The following ZNF28 variants were observed in gnomAD, a reference collection of about 807,000 sequenced individuals.
ZNF28 encodes the protein zinc finger protein KOX24.
A neutral mutation model predicts 7.2 loss-of-function variants in ZNF28; 5 were observed. The ratio of observed to expected loss-of-function variants is 0.70; its 90% CI spans 0.36 to 1.46. ZNF28 has a LOEUF of 1.46. Among genes scored for constraint, ZNF28 ranks in the 40% most tolerant of loss-of-function variants. ZNF28 has a pLI of 0.03. For missense variants in ZNF28, 879 were observed against 866.6 expected (o/e 1.01, Z -0.18); for synonymous variants, 288 against 292.4 (o/e 0.99, Z 0.15).
chr19:52,813,421 C>CTGGGTTGAGACAGAGAATCG (rs1568658837), intron 2 of ZNF28, among the ~76,000 whole-genome samples: 6 of 148,216 alleles, frequency 4.0e-5, no homozygotes, highest in South Asian at 2.2e-4. Flanking sequence ...GCAAGCTGCT[C>CTGGGTTGAGACAGAGAATCG]CCCGTGTTTC....
chr19:52,808,800 G>A (rs749837451), intron 2 of ZNF28, among the ~76,000 whole-genome samples: 1 of 152,102 alleles, frequency 6.6e-6, no homozygotes, highest in East Asian at 1.9e-4. Context: ...GCAACAAACC[G>A]AGACCCCATC....
At chr19:52,814,137 C>T (rs1907170177) in intron 2 of ZNF28, 1 of 146,634 alleles carries the variant, frequency 6.8e-6, no homozygotes, top group Non-Finnish European at 1.5e-5. Context: ...ACAGAACTGA[C>T]AGTAACGGCT....
Position 52,801,641 on chromosome 19 carries a change from C to T in ZNF28, c.204G>A (p.Ala68=), listed in dbSNP as rs149780216. ...FFSTGQGNTE[A]FHTGTLQRQA... ...GTCTTTGCAATGTCCCTGTGTGGAA[C>T]GCTTCTGTATTGCCTTGCCCTGTTG... Residue 68 remains alanine, a synonymous_variant, in exon 4 of 4, where the codon GCG becomes GCA. Coordinates refer to ENST00000457749, the MANE Select transcript of ZNF28 (RefSeq NM_006969.5). 420 of 1,613,708 alleles carry T rather than the reference C, an allele frequency of 2.6e-4. 1 individual carries two copies. The African/African-American group carries it at 3.9e-3, about 15-fold the overall frequency.
At chr19:52,810,858 T>TCCCCCCCCCCCCCC (rs538037515) in intron 2 of ZNF28, 1 of 45,064 alleles carries the variant, frequency 2.2e-5, no homozygotes, top group Non-Finnish European at 3.5e-5. Context: ...CCTCTCCCTC[T>TCCCCCCCCCCCCCC]CCCCCTCCCC....
intron 2 of ZNF28, chr19:52,809,965 G>T (rs1011970489): frequency 2.5e-6 from 2 of 790,858 alleles, no homozygotes; most frequent in Non-Finnish European, 4.4e-6. Flanking sequence ...GGGGACGATG[G>T]GAACGGCCTG....
rs958581657 is a variant in ZNF28 at position 52,799,077 on chromosome 19, A to T, written c.*611T>A. The T allele has an allele frequency of 1.6e-5, 7 of 446,310 alleles. No individual in the cohort carries two copies. Among genetic ancestry groups the T allele is most frequent in the Admixed American group, 1.0e-4 (3 of 28,668 alleles). 27.6% of individuals were successfully genotyped at this position (446,310 alleles called of 1,614,324 possible). ...TTCAAGCTGTGATTTGTGACTGACA[A>T]CTTTGTCACAGTCTTCACATTTGTA... is the stretch of plus-strand genomic sequence containing the variant. On this transcript the variant is annotated 3_prime_UTR_variant, in exon 4 of 4. Coordinates refer to ENST00000457749, the MANE Select transcript of ZNF28 (RefSeq NM_006969.5).
At chr19:52,815,591 G>A (rs1459763981) in intron 2 of ZNF28, among the ~76,000 whole-genome samples, 1 of 146,664 alleles carries the variant, frequency 6.8e-6, no homozygotes, top group Non-Finnish European at 1.5e-5. Context: ...TTGGGAGGCC[G>A]AGGCGGGCGA....
chr19:52,818,889 A>G (rs1240689785), intron 1 of ZNF28, among the ~76,000 whole-genome samples: 1 of 31,096 alleles, frequency 3.2e-5, no homozygotes, highest in East Asian at 2.6e-4. Flanking sequence ...GTTTGGGAAA[A>G]AAAAAAAAAA....
rs757693129 is a variant in ZNF28, at chr19:52,801,420, A to G, written c.425T>C (p.Leu142Ser). 22 of 1,614,072 alleles carry G rather than the reference A, an allele frequency of 1.4e-5. No homozygotes were observed. The highest frequency in any genetic ancestry group is 1.7e-5 in the Admixed American group (1 of 60,010). The change falls in exon 4 of 4, where the codon TTA becomes TCA. Residue 142 changes from leucine (L) to serine (S), a missense_variant. By Grantham distance (145) the Leu-to-Ser change is moderately radical. Transcript: ENST00000457749. ...TTCAGGCAGATGCGAATGAAAGCTT[A>G]ATCCAAGCTGATCTTTAATATGCTT... ...GNKHIKDQLG[L>S]SFHSHLPELH...
chr19:52,815,198 G>A (rs1306536200), intron 2 of ZNF28, among the ~76,000 whole-genome samples: 2 of 144,740 alleles, frequency 1.4e-5, no homozygotes, highest in African/African-American at 5.4e-5. Flanking sequence ...CTTTGGCAGT[G>A]GGAGGAAGGA....
At chr19:52,803,061 G>A (rs2062894163) in intron 3 of ZNF28, among the ~76,000 whole-genome samples, 1 of 151,148 alleles carries the variant, frequency 6.6e-6, no homozygotes, top group Admixed American at 6.6e-5. Context: ...GCACACGGCC[G>A]ACTTTTAAAA....
intron 2 of ZNF28, 135 bp downstream of exon 2, chr19:52,817,809 C>T: frequency 1.3e-6 from 2 of 1,547,842 alleles, no homozygotes; most frequent in South Asian, 1.1e-5. Context: ...ATGAGATGAA[C>T]TGAAGGAAGG....
At position 52,800,679 on chromosome 19, in the gene ZNF28, T is replaced by C. The variant is rs1568646059; in HGVS notation, c.1166A>G (p.Glu389Gly). The C allele has an allele frequency of 1.2e-6, 2 of 1,613,950 alleles. No individual in the cohort carries two copies. The highest frequency in any genetic ancestry group is 2.2e-5 in the South Asian group (2 of 91,078). The change falls in exon 4 of 4, where the codon GAA (glutamate) becomes GGA (glycine). Residue 389 changes from glutamate to glycine, a missense_variant. By Grantham distance (98) the Glu-to-Gly change is moderately conservative (BLOSUM62 -2). Transcript: ENST00000457749. ...ATGTGATTTGCGACTGAAAACTTTT[T>C]CACATTCTTCACATTCATAAGGTTT... Reference protein sequence around the residue: ...GEKPYECEECEKVFSRKSHLE... With the variant: ...GEKPYECEECGKVFSRKSHLE...
At chr19:52,807,557 C>A (rs578008031) in intron 3 of ZNF28, among the ~76,000 whole-genome samples, 2 of 152,168 alleles carry the variant, frequency 1.3e-5, no homozygotes, top group Admixed American at 1.3e-4. Flanking sequence ...CAATGCAAAA[C>A]TTGGCCTCCT....
At chr19:52,810,886 CCT>C (rs1568655869) in intron 2 of ZNF28, among the ~76,000 whole-genome samples, 1 of 36,978 alleles carries the variant, frequency 2.7e-5, no homozygotes, top group Non-Finnish European at 4.4e-5. Flanking sequence ...TCCCCCTCCC[CCT>C]CCCCCTCCCC....
Position 52,819,325 on chromosome 19 carries a change from T to G in ZNF28, c.-73-1294A>C, listed in dbSNP as rs1305448325. ...CCTGCTTTAGATGTAGCTGTGATAT[T>G]CTAATACAGACAAAGTCCTCCGAAG... On this transcript the variant is annotated intron_variant, in intron 1 of 3. Coordinates refer to ENST00000457749, the MANE Select transcript of ZNF28 (RefSeq NM_006969.5). Among the ~76,000 whole-genome samples, 4 of 144,058 alleles carry G rather than the reference T, an allele frequency of 2.8e-5. 1 individual carries two copies. Among genetic ancestry groups the G allele is most frequent in the Non-Finnish European group, 4.5e-5 (3 of 66,898 alleles). 94.5% of individuals were successfully genotyped at this position (144,058 alleles called of 152,430 possible).
rs2062819064 is a variant in ZNF28, at chr19:52,798,134, A to AC, written c.*1553dup. 6.3e-6 allele frequency: 1 copy of AC among 158,732 alleles called. No homozygotes were observed. The highest frequency in any genetic ancestry group is 1.4e-5 in the Non-Finnish European group (1 of 72,680). The allele number at this position is 158,732 out of a possible 1,614,324, so 9.8% of individuals were successfully genotyped here. A position where few individuals can be genotyped will look rare whatever the true frequency, so the allele number is the denominator to read the frequency against. The stretch of plus-strand genomic sequence containing the variant: ...AAGAGACTCCATCTCAAAAACAAAA[A>AC]CAAAAAAAAGAAAAAAGAAAGAAAG... On this transcript the variant is annotated 3_prime_UTR_variant, in exon 4 of 4. Transcript: ENST00000457749.
chr19:52,810,363 C>T, intron 2 of ZNF28: 1 of 1,604,854 alleles, frequency 6.2e-7, no homozygotes, highest in Non-Finnish European at 8.5e-7. Flanking sequence ...GCTGGAAGCT[C>T]ACTTTCATGG....
rs545124119 is a variant in ZNF28 at position 52,797,661 on chromosome 19, G to A, written c.*2027C>T. 6.4e-6 allele frequency: 1 copy of A among 155,122 alleles called. No individual in the cohort carries two copies. Among genetic ancestry groups the A allele is most frequent in the South Asian group, 2.1e-4 (1 of 4,832 alleles). The allele number at this position is 155,122 out of a possible 1,614,324, so 9.6% of individuals were successfully genotyped here. A position where few individuals can be genotyped will look rare whatever the true frequency, so the allele number is the denominator to read the frequency against. On this transcript the variant is annotated 3_prime_UTR_variant, in exon 4 of 4. Transcript: ENST00000457749. ...AGGAATAAACATATAAAGGTGAGAA[G>A]TTTGTACCTTGAAATCTACAAACAT...
Sources: allele counts gnomAD v4.1 joint callset (sites outside exome capture counted in the v4.1 genomes callset), GRCh38; gene constraint gnomAD v4.1.1; transcripts MANE v1.5; gene names NCBI Gene and HGNC (gene_info 2026-07-23, HGNC 2026-07-21).